Variants in ADAMTS20 observed in about 807,000 individuals in gnomAD.
ADAMTS20 encodes ADAM metallopeptidase with thrombospondin type 1 motif 20, also known as A disintegrin and metalloproteinase with thrombospondin motifs 20.
Under a neutral mutation model 260.1 loss-of-function variants are expected in ADAMTS20, and 225 were observed. The observed-to-expected ratio is 0.87, with a 90% CI of 0.78 to 0.97. The LOEUF (loss-of-function observed/expected upper bound fraction) is 0.97, where lower values mean the gene tolerates loss of function less well. Ranked by LOEUF, ADAMTS20 falls within the 50% of genes least tolerant of loss-of-function variation. The pLI is 0.00. For synonymous variants in ADAMTS20, 802 were observed against 769.5 expected (o/e 1.04, Z -0.70); for missense variants, 2,400 against 2,337.7 (o/e 1.03, Z -0.55).
rs752301075 is a variant in ADAMTS20, at chr12:43,452,603, C to T, written c.1853G>A (p.Arg618Gln). 2.5e-6 allele frequency: 4 copies of T among 1,613,394 alleles called. No homozygotes were observed. Among genetic ancestry groups the T allele is most frequent in the East Asian group, 2.2e-5 (1 of 44,858 alleles). The change falls in exon 13 of 39, where the codon CGA becomes CAA. Residue 618 changes from arginine to glutamine, a missense_variant. Transcript: ENST00000389420. ...ATTAAAATCAGAGCACTGCTTCTCTCGAAAGTCTTGTGTGCCTTTTGGACA... is the reference window on the plus strand; with the variant it reads ...ATTAAAATCAGAGCACTGCTTCTCTTGAAAGTCTTGTGTGCCTTTTGGACA... ...DSCPKGTQDF[R>Q]EKQCSDFNGK...
At chr12:43,506,653 T>C (rs1390980719) in intron 3 of ADAMTS20, among the ~76,000 whole-genome samples, 1 of 152,104 alleles carries the variant, frequency 6.6e-6, no homozygotes, top group East Asian at 1.9e-4. Context: ...CTAATTTTTG[T>C]ATTTTTAGTA....
At chr12:43,446,849 G>A in intron 14 of ADAMTS20, 137 bp from the exon 15 acceptor site, 1 of 694,494 alleles carries the variant, frequency 1.4e-6, no homozygotes, top group Non-Finnish European at 2.5e-6. Flanking sequence ...ACTCTCAGAG[G>A]CTACTATGAA....
At chr12:43,482,461 T>C (rs1049182895) in intron 7 of ADAMTS20, among the ~76,000 whole-genome samples, 7 of 152,232 alleles carry the variant, frequency 4.6e-5, no homozygotes, top group African/African-American at 1.7e-4. Context: ...TCACTGTGGG[T>C]GTAAGACTTG....
intron 7 of ADAMTS20, among the ~76,000 whole-genome samples, chr12:43,469,738 T>C (rs1326785550): frequency 6.6e-6 from 1 of 152,226 alleles, no homozygotes; most frequent in African/African-American, 2.4e-5. Flanking sequence ...TTCCCTGCTA[T>C]GTCATCTTTT....
intron 4 of ADAMTS20, among the ~76,000 whole-genome samples, chr12:43,498,257 T>G (rs1334824332): frequency 2.0e-5 from 3 of 152,216 alleles, no homozygotes; most frequent in African/African-American, 7.2e-5. Flanking sequence ...AGTCACATTC[T>G]TTATTTCAAT....
rs142350498 is a variant in ADAMTS20, at chr12:43,545,612, C to A, written c.453+5297G>T. ...GCACCCTGGCCATAGCTCCCAAGGA[C>A]TTCTCCTTGTCAGTAACTGAGTATG... On this transcript the variant is annotated intron_variant, in intron 2 of 38. Transcript: ENST00000389420. Among the ~76,000 whole-genome samples the A allele has an allele frequency of 1.2e-3, 180 of 152,252 alleles. 1 individual carries two copies. Among genetic ancestry groups the A allele is most frequent in the Middle Eastern group, 3.4e-3 (1 of 294 alleles).
At chr12:43,511,440 G>A (rs1228725201) in intron 3 of ADAMTS20, among the ~76,000 whole-genome samples, 2 of 151,954 alleles carry the variant, frequency 1.3e-5, no homozygotes, top group African/African-American at 4.8e-5. Flanking sequence ...GAACACTGTT[G>A]GGCAATATGT....
At chr12:43,516,258 T>A (rs1942998611) in intron 3 of ADAMTS20, among the ~76,000 whole-genome samples, 2 of 152,232 alleles carry the variant, frequency 1.3e-5, no homozygotes, top group South Asian at 4.1e-4. Context: ...CAGTTTTCCC[T>A]TGCATTTGTA....
intron 28 of ADAMTS20, among the ~76,000 whole-genome samples, chr12:43,419,087 G>A (rs1941183119): frequency 6.6e-6 from 1 of 152,098 alleles, no homozygotes; most frequent in African/African-American, 2.4e-5. Flanking sequence ...TAGAACAGTT[G>A]TGAGAGAAAA....
intron 2 of ADAMTS20, 57 bp from the exon 3 acceptor site, chr12:43,532,252 C>A (rs1277467808): frequency 1.4e-6 from 2 of 1,459,674 alleles, no homozygotes; most frequent in Non-Finnish European, 1.9e-6. Context: ...GAAGAAAAAA[C>A]ACATAGTACC....
intron 21 of ADAMTS20, 92 bp from the exon 22 acceptor site, chr12:43,431,588 A>T: frequency 6.9e-7 from 1 of 1,454,778 alleles, no homozygotes; most frequent in Non-Finnish European, 9.5e-7. Flanking sequence ...ATATAGAAAT[A>T]CAGTTGAAAA....
intron 9 of ADAMTS20, among the ~76,000 whole-genome samples, chr12:43,466,314 A>C (rs894807431): frequency 3.9e-5 from 6 of 152,026 alleles, no homozygotes; most frequent in Non-Finnish European, 7.4e-5. Context: ...GTCACTTCGA[A>C]AAAATTCAAA....
chr12:43,541,196 T>C (rs10880522), intron 2 of ADAMTS20, among the ~76,000 whole-genome samples: 71,712 of 151,932 alleles, frequency 0.47, 17,361 homozygotes, highest in East Asian at 0.7. Context: ...AAATACTTAG[T>C]TTTTCCATCT....
In ADAMTS20 at chr12:43,551,932, T is replaced by A; in HGVS notation, c.-11A>T. 1 of 1,612,708 alleles carries A rather than the reference T, an allele frequency of 6.2e-7. No individual in the cohort carries two copies. The highest frequency in any genetic ancestry group is 8.5e-7 in the Non-Finnish European group (1 of 1,179,278). On this transcript the variant is annotated 5_prime_UTR_variant, in exon 1 of 39. Transcript: ENST00000389420. The surrounding 1 kb of genome is among the most constrained non-coding windows in gnomAD (Gnocchi z 4.6). ...CTTGGCCACCCACATGGTTCCACCCTGGGGACCCCGATCGGGGAGGCCCAC... is the reference window on the plus strand; with the variant it reads ...CTTGGCCACCCACATGGTTCCACCCAGGGGACCCCGATCGGGGAGGCCCAC...
At chr12:43,418,900 G>A (rs780449053) in intron 28 of ADAMTS20, among the ~76,000 whole-genome samples, 1 of 152,098 alleles carries the variant, frequency 6.6e-6, no homozygotes, top group East Asian at 1.9e-4. Flanking sequence ...TATATATCAG[G>A]AGCATTCAGT....
chr12:43,358,620 C>G (rs1012208752), intron 37 of ADAMTS20, among the ~76,000 whole-genome samples: 2 of 151,672 alleles, frequency 1.3e-5, no homozygotes, highest in African/African-American at 4.8e-5. Flanking sequence ...GGGCGGATCA[C>G]GAGGTCAGGA....
At chr12:43,442,881 C>A (rs1369209900) in intron 16 of ADAMTS20, among the ~76,000 whole-genome samples, 1 of 152,132 alleles carries the variant, frequency 6.6e-6, no homozygotes, top group African/African-American at 2.4e-5. Context: ...CGATGACGTA[C>A]AACCATCACC....
At chr12:43,470,610 A>G (rs1174200465) in intron 7 of ADAMTS20, among the ~76,000 whole-genome samples, 7 of 152,228 alleles carry the variant, frequency 4.6e-5, no homozygotes, top group African/African-American at 1.7e-4. Flanking sequence ...CAAGCTTGAT[A>G]CAGGTTCCCT....
At chr12:43,527,077 T>TAAATTTGTTTGTG (rs1943153467) in intron 3 of ADAMTS20, among the ~76,000 whole-genome samples, 3 of 152,092 alleles carry the variant, frequency 2.0e-5, no homozygotes, top group Non-Finnish European at 2.9e-5. Flanking sequence ...GCACACAAAC[T>TAAATTTGTTTGTG]AGAAAGCCCA....
Sources: allele counts gnomAD v4.1 joint callset (sites outside exome capture counted in the v4.1 genomes callset), GRCh38; gene constraint gnomAD v4.1.1; non-coding constraint Gnocchi (gnomAD v3.1); transcripts MANE v1.5; gene names NCBI Gene and HGNC (gene_info 2026-07-23, HGNC 2026-07-21).